MKRN1: variants seen among roughly 807,000 people sequenced by gnomAD.
The protein encoded by MKRN1 is E3 ubiquitin-protein ligase makorin-1.
Under a neutral mutation model 55.5 loss-of-function variants are expected in MKRN1, and 9 were observed. The observed-to-expected ratio is 0.16, with a 90% confidence interval of 0.10 to 0.28. MKRN1 has a LOEUF of 0.28. Among genes scored for constraint, MKRN1 ranks in the 10% least tolerant of loss-of-function variants. The pLI, the probability that MKRN1 is intolerant of heterozygous loss-of-function variation, is 1.00. For missense variants in MKRN1, 488 were observed against 626.7 expected (o/e 0.78, Z 2.36); for synonymous variants, 253 against 235.9 (o/e 1.07, Z -0.66).
intron 2 of MKRN1, 60 bp downstream of exon 2, chr7:140,471,819 GAAGT>G: frequency 6.3e-7 from 1 of 1,577,006 alleles, no homozygotes; most frequent in Non-Finnish European, 8.6e-7. Flanking sequence ...AAAGCTATCA[GAAGT>G]ATGTCTTTTA....
chr7:140,469,965 T>C (rs1249609243), intron 2 of MKRN1, among the ~76,000 whole-genome samples: 1 of 150,104 alleles, frequency 6.7e-6, no homozygotes, highest in African/African-American at 2.4e-5. Flanking sequence ...GGAGAATCAC[T>C]TGAACCTGGG....
chr7:140,479,190 C>CCGCTGCCGT lies in MKRN1; in HGVS notation c.146_154dup (p.Asp49_Ser51dup), dbSNP rs780350644. 8 of 1,463,792 alleles carry CCGCTGCCGT rather than the reference C, an allele frequency of 5.5e-6. No homozygotes were observed. In the African/African-American group the frequency reaches 5.9e-5, roughly 11 times the overall value. The allele number at this position is 1,463,792 out of a possible 1,614,324, so 90.7% of individuals were successfully genotyped here. On this transcript the variant is annotated inframe_insertion, in exon 1 of 8. Transcript: ENST00000255977. ...GGTGACCTGTTTAGTCCAGCCGCCG[C>CCGCTGCCGT]CGCTGCCGTCGCTGCCGCCGCCCCC...
intron 5 of MKRN1, chr7:140,456,287 T>A (rs754578959): frequency 8.6e-7 from 1 of 1,167,974 alleles, no homozygotes; most frequent in Non-Finnish European, 1.1e-6. Flanking sequence ...GATGGTGGAT[T>A]GTTGGCTAGC....
chr7:140,474,445 GC>G, intron 1 of MKRN1: 3 of 356,674 alleles, frequency 8.4e-6, no homozygotes, highest in Admixed American at 3.0e-5. Context: ...GTTGGGGGGG[GC>G]CCAGAGGTTG....
Position 140,479,196 on chromosome 7 carries a change from C to G in MKRN1, c.149G>C (p.Gly50Ala). ...CTGTTTAGTCCAGCCGCCGCCGCTGCCGTCGCTGCCGCCGCCCCCTCCGCC... is the reference window on the plus strand; with the variant it reads ...CTGTTTAGTCCAGCCGCCGCCGCTGGCGTCGCTGCCGCCGCCCCCTCCGCC... ...GAGGGGGGSDGSGGGWTKQVT... is the reference protein window; with the variant it reads ...GAGGGGGGSDASGGGWTKQVT... The change falls in exon 1 of 8, where the codon GGC (glycine) becomes GCC (alanine). Residue 50 changes from glycine to alanine, a missense_variant. Gly to Ala is a moderately conservative substitution (Grantham distance 60). Around this residue, in one of 2 missense-constraint regions of MKRN1, gnomAD observed 210 missense variants for 220.0 expected, o/e 0.95. Coordinates refer to ENST00000255977, the MANE Select transcript of MKRN1 (RefSeq NM_013446.4). The G allele has an allele frequency of 2.0e-6, 3 of 1,464,116 alleles. No homozygotes were observed. The highest frequency in any genetic ancestry group is 2.7e-6 in the Non-Finnish European group (3 of 1,109,004). The allele number at this position is 1,464,116 out of a possible 1,614,324, so 90.7% of individuals were successfully genotyped here.
chr7:140,474,004 AAAAAGAAAG>A (rs1467345900), intron 1 of MKRN1, among the ~76,000 whole-genome samples: 19 of 93,670 alleles, frequency 2.0e-4, no homozygotes, highest in East Asian at 2.0e-3. Flanking sequence ...AAAAAAAAAA[AAAAAGAAAG>A]AAAGAAAGAA....
intron 2 of MKRN1, among the ~76,000 whole-genome samples, chr7:140,463,803 T>C (rs1295812113): frequency 6.6e-6 from 1 of 151,890 alleles, no homozygotes; most frequent in Non-Finnish European, 1.5e-5. Context: ...GAGAATGGCG[T>C]GAACCTGGGA....
chr7:140,454,814 A>T, intron 7 of MKRN1, 85 bp from the exon 8 acceptor site: 3 of 1,379,008 alleles, frequency 2.2e-6, no homozygotes, highest in Non-Finnish European at 3.1e-6. Flanking sequence ...CGTCCAGCAC[A>T]CCAGAGGGCA....
chr7:140,470,053 A>AT (rs1794879053), intron 2 of MKRN1, among the ~76,000 whole-genome samples: 1 of 132,502 alleles, frequency 7.5e-6, no homozygotes, highest in African/African-American at 3.8e-5. Context: ...TCTCAAAAAA[A>AT]AAAAAAAAAA....
In MKRN1 at chr7:140,479,370, C is replaced by A. The variant is rs1795225409; in HGVS notation, c.-26G>T. On this transcript the variant is annotated 5_prime_UTR_variant, in exon 1 of 8. Coordinates refer to ENST00000255977, the MANE Select transcript of MKRN1 (RefSeq NM_013446.4). ...TACTGTTTATCCCACACAGCAAAGGCCCCGGAACTTCCGGGATCACATAGT... is the reference window on the plus strand; with the variant it reads ...TACTGTTTATCCCACACAGCAAAGGACCCGGAACTTCCGGGATCACATAGT... 1 of 1,278,140 alleles carries A rather than the reference C, an allele frequency of 7.8e-7. No individual in the cohort carries two copies. Among genetic ancestry groups the A allele is most frequent in the Non-Finnish European group, 9.9e-7 (1 of 1,005,518 alleles). The allele number at this position is 1,278,140 out of a possible 1,614,324, so 79.2% of individuals were successfully genotyped here.
chr7:140,463,420 C>T (rs947808577), intron 2 of MKRN1, among the ~76,000 whole-genome samples: 2 of 152,196 alleles, frequency 1.3e-5, no homozygotes, highest in African/African-American at 4.8e-5. Flanking sequence ...GACTTACATA[C>T]AATTTTAAAC....
At chr7:140,479,553 C>T (rs1239448323), upstream of MKRN1, 11 of 449,076 alleles carry the variant, frequency 2.4e-5, no homozygotes, top group Admixed American at 2.7e-4. Flanking sequence ...GGCCCGCCCA[C>T]GGCGCCGCTC....
intron 4 of MKRN1, among the ~76,000 whole-genome samples, chr7:140,458,184 T>A (rs1794519659): frequency 6.6e-6 from 1 of 152,136 alleles, no homozygotes; most frequent in Non-Finnish European, 1.5e-5. Flanking sequence ...GGAAAACATA[T>A]CTTCACAGAA....
chr7:140,455,132 G>T lies in MKRN1; in HGVS notation c.1199C>A (p.Pro400Gln), dbSNP rs1391255762. The T allele has an allele frequency of 1.2e-6, 2 of 1,613,864 alleles. No homozygotes were observed. The highest frequency in any genetic ancestry group is 2.2e-5 in the South Asian group (2 of 91,062). The change falls in exon 7 of 8, where the codon CCA (proline) becomes CAA (glutamine). Residue 400 changes from proline to glutamine, a missense_variant. Around this residue, in one of 2 missense-constraint regions of MKRN1, gnomAD observed 278 missense variants for 406.7 expected, o/e 0.68. Transcript: ENST00000255977. ...HAYPDGRREEPQRQKVGTSSR... is the reference protein window; with the variant it reads ...HAYPDGRREEQQRQKVGTSSR... ...TGATGTTCCCACTTTCTGTCTCTGT[G>T]GCTCCTCTCTACGGCCATCAGGGTA...
chr7:140,455,476 T>C lies in MKRN1; in HGVS notation c.1098-243A>G. On this transcript the variant is annotated intron_variant, in intron 6 of 7. Transcript: ENST00000255977. ...ACAAGCAGATGCCATAGAGAGAAAA[T>C]CTTCTAGAAAGCCAACACATGAGAA... is the stretch of plus-strand genomic sequence containing the variant. 8.7e-6 allele frequency: 5 copies of C among 571,774 alleles called. No homozygotes were observed. In the South Asian group the frequency reaches 1.2e-4, roughly 14 times the overall value. The allele number at this position is 571,774 out of a possible 1,614,324, so 35.4% of individuals were successfully genotyped here.
chr7:140,454,316 G>C lies in MKRN1; in HGVS notation c.*201C>G, dbSNP rs1234203602. Reference sequence around the variant, plus strand: ...AAAACTAACTTTAAGATTTATTTTTGTAACTTTTTTCAACAGGGAAAACAA... The same window carrying C: ...AAAACTAACTTTAAGATTTATTTTTCTAACTTTTTTCAACAGGGAAAACAA... On this transcript the variant is annotated 3_prime_UTR_variant, in exon 8 of 8. Transcript: ENST00000255977. 3 of 596,062 alleles carry C rather than the reference G, an allele frequency of 5.0e-6. No homozygotes were observed. The highest frequency in any genetic ancestry group is 4.1e-5 in the South Asian group (2 of 48,398). 36.9% of individuals were successfully genotyped at this position (596,062 alleles called of 1,614,324 possible).
In MKRN1 at chr7:140,454,205, T is replaced by G. The variant is rs1794403171; in HGVS notation, c.*312A>C. The G allele has an allele frequency of 2.8e-6, 1 of 355,662 alleles. No individual in the cohort carries two copies. Among genetic ancestry groups the G allele is most frequent in the African/African-American group, 2.1e-5 (1 of 48,052 alleles). The allele number at this position is 355,662 out of a possible 1,614,324, so 22.0% of individuals were successfully genotyped here. ...ACCTGGGGTCCTCAAAATGAGTGTG[T>G]GAAAAGTCCATAAATGCAATCTGGT... On this transcript the variant is annotated 3_prime_UTR_variant, in exon 8 of 8. Transcript: ENST00000255977.
rs1794871526 is a variant in MKRN1, at chr7:140,469,818, G to GCTCATGCCTACAATCCCAGCCTCCCAA, written c.314+2064_314+2065insTTGGGAGGCTGGGATTGTAGGCATGAG. Among the ~76,000 whole-genome samples the GCTCATGCCTACAATCCCAGCCTCCCAA allele has an allele frequency of 1.2e-4, 18 of 152,162 alleles. 1 individual carries two copies. In the East Asian group the frequency reaches 3.5e-3, roughly 30 times the overall value. The stretch of plus-strand genomic sequence containing the variant: ...TCATGCCTACAATCCCAGCACTTTG[G>GCTCATGCCTACAATCCCAGCCTCCCAA]GAGGCTGGTGTGGGCTGGTCAGGAG... On this transcript the variant is annotated intron_variant, in intron 2 of 7. Transcript: ENST00000255977.
intron 2 of MKRN1, among the ~76,000 whole-genome samples, chr7:140,471,262 A>G (rs1449223515): frequency 6.6e-6 from 1 of 152,046 alleles, no homozygotes; most frequent in Non-Finnish European, 1.5e-5. Context: ...CTGTGGTCCC[A>G]GCTACTTGGG....
Sources: gnomAD v4.1 joint callset for allele counts (sites outside exome capture counted in the v4.1 genomes callset) on GRCh38, gnomAD v4.1.1 for gene constraint, gnomAD v4.1.1 regional missense constraint, MANE v1.5 for transcripts, NCBI Gene and HGNC (gene_info 2026-07-23, HGNC 2026-07-21) for gene names.